Variants in EFHB observed in about 807,000 individuals in gnomAD.
EFHB encodes EF-hand domain family member B.
A neutral mutation model predicts 87.2 loss-of-function variants in EFHB; 91 were observed. The observed-to-expected ratio is 1.04, with a 90% CI of 0.88 to 1.24. The LOEUF is 1.24. Ranked by LOEUF, EFHB falls within the 50% of genes most tolerant of loss-of-function variation. EFHB has a pLI of 0.00. For synonymous variants in EFHB, 325 were observed against 333.6 expected (o/e 0.97, Z 0.28); for missense variants, 1,084 against 998.8 (o/e 1.09, Z -1.15).
intron 6 of EFHB, among the ~76,000 whole-genome samples, chr3:19,903,120 T>G (rs541506853): frequency 1.6e-4 from 24 of 150,874 alleles, no homozygotes. Flanking sequence ...AAGGTTGCAG[T>G]GAGCCGAGAT....
intron 10 of EFHB, 61 bp from the exon 11 acceptor site, chr3:19,884,676 C>G: frequency 6.7e-7 from 1 of 1,502,980 alleles, no homozygotes; most frequent in South Asian, 1.2e-5. Context: ...GTGCTTGCTG[C>G]TCTGTAACAG....
chr3:19,916,341 C>G (rs1695229927), intron 4 of EFHB, among the ~76,000 whole-genome samples: 1 of 151,898 alleles, frequency 6.6e-6, no homozygotes, highest in East Asian at 1.9e-4. Flanking sequence ...ATGGTGAAAC[C>G]CTGTCTCTAC....
intron 10 of EFHB, among the ~76,000 whole-genome samples, chr3:19,885,921 T>C (rs899317066): frequency 6.6e-5 from 10 of 152,188 alleles, no homozygotes; most frequent in Admixed American, 6.5e-5. Context: ...AACAGTAAGA[T>C]AGAATTTGGT....
intron 1 of EFHB, among the ~76,000 whole-genome samples, chr3:19,927,291 T>A (rs997419324): frequency 6.6e-6 from 1 of 152,228 alleles, no homozygotes; most frequent in African/African-American, 2.4e-5. Flanking sequence ...TGACAGTGTT[T>A]TTCAAAAGTC....
intron 5 of EFHB, among the ~76,000 whole-genome samples, chr3:19,908,651 A>C (rs1449399587): frequency 1.3e-5 from 2 of 151,576 alleles, no homozygotes; most frequent in Admixed American, 1.3e-4. Context: ...AAAGAAAGAA[A>C]GAAAAAGAAA....
intron 6 of EFHB, among the ~76,000 whole-genome samples, chr3:19,901,747 C>T (rs1020408266): frequency 1.3e-5 from 2 of 152,054 alleles, no homozygotes; most frequent in East Asian, 3.9e-4. Context: ...GTCAGGAGTT[C>T]GAGATCAGCC....
chr3:19,928,518 C>T (rs960787813), intron 1 of EFHB, among the ~76,000 whole-genome samples: 1 of 152,204 alleles, frequency 6.6e-6, no homozygotes, highest in Non-Finnish European at 1.5e-5. Context: ...GATCTTGGCT[C>T]ACTGCAACCT....
Position 19,918,391 on chromosome 3 carries a change from GT to G in EFHB, c.1017del (p.Gln340SerfsTer26). Reference sequence around the variant, plus strand: ...TTCTGTTGAAATGTGGTAATAGGCTGTGGGTTTATCAATGTGTTTGCCTAAA... The same window carrying G: ...TTCTGTTGAAATGTGGTAATAGGCTGGGGTTTATCAATGTGTTTGCCTAAA... ...ISVLANTLIN[P>X]QPITTFQQKI... is the part of the protein sequence containing the mutation. On this transcript the variant is annotated frameshift_variant, in exon 4 of 13. Coordinates refer to ENST00000295824, the MANE Select transcript of EFHB (RefSeq NM_144715.4). LOFTEE classifies it high-confidence loss of function. 6.2e-7 allele frequency: 1 copy of G among 1,602,188 alleles called. No individual in the cohort carries two copies. Among genetic ancestry groups the G allele is most frequent in the Non-Finnish European group, 8.5e-7 (1 of 1,176,508 alleles).
intron 7 of EFHB, 117 bp from the exon 8 acceptor site, chr3:19,898,962 A>T (rs1216479095): frequency 1.2e-5 from 11 of 947,958 alleles, no homozygotes; most frequent in Non-Finnish European, 1.7e-5. Flanking sequence ...CCAAACTATG[A>T]AGATCAAACA....
chr3:19,880,552 A>T (rs1022902342), intron 12 of EFHB, among the ~76,000 whole-genome samples: 1 of 152,134 alleles, frequency 6.6e-6, no homozygotes, highest in Non-Finnish European at 1.5e-5. Flanking sequence ...AGGCATGGCC[A>T]AGTTTTGTAT....
chr3:19,924,504 G>C (rs1362042581), intron 1 of EFHB, among the ~76,000 whole-genome samples: 2 of 152,022 alleles, frequency 1.3e-5, no homozygotes, highest in African/African-American at 4.8e-5. Context: ...GAGCCACTGC[G>C]CCAGGCCTTT....
intron 1 of EFHB, among the ~76,000 whole-genome samples, chr3:19,925,110 C>T (rs1366167761): frequency 6.6e-6 from 1 of 151,850 alleles, no homozygotes; most frequent in Non-Finnish European, 1.5e-5. Flanking sequence ...GGCATGCTGG[C>T]CGGCACCTGT....
At chr3:19,941,937 C>T (rs949432534) in intron 1 of EFHB, among the ~76,000 whole-genome samples, 2 of 151,278 alleles carry the variant, frequency 1.3e-5, no homozygotes, top group African/African-American at 4.9e-5. Context: ...GGCAGATCAC[C>T]TGAAGTCAGG....
In EFHB at chr3:19,893,791, C is replaced by T. The variant is rs76749836; in HGVS notation, c.1725+2896G>A. ...GTCATTCCACAAGGTGAGCAAATAC[C>T]ATCAGCTGGTGGCATGGACAGACAG... is the stretch of plus-strand genomic sequence containing the variant. On this transcript the variant is annotated intron_variant, in intron 9 of 12. Transcript: ENST00000295824. Among the ~76,000 whole-genome samples the T allele has an allele frequency of 1.0e-3, 158 of 152,258 alleles. 1 individual carries two copies. The highest frequency in any genetic ancestry group is 1.7e-3 in the Non-Finnish European group (114 of 68,028).
chr3:19,919,168 T>C (rs369295212), intron 3 of EFHB, among the ~76,000 whole-genome samples: 1 of 152,026 alleles, frequency 6.6e-6, no homozygotes, highest in East Asian at 1.9e-4. Context: ...ATAGTGCCTC[T>C]AGGCAAGTCA....
intron 9 of EFHB, among the ~76,000 whole-genome samples, chr3:19,896,018 T>C (rs1694470004): frequency 6.6e-6 from 1 of 152,172 alleles, no homozygotes; most frequent in Non-Finnish European, 1.5e-5. Context: ...TTGAATGATC[T>C]TACACTCTCA....
At chr3:19,927,652 T>C (rs1469292071) in intron 1 of EFHB, among the ~76,000 whole-genome samples, 1 of 152,196 alleles carries the variant, frequency 6.6e-6, no homozygotes, top group Non-Finnish European at 1.5e-5. Flanking sequence ...GAATGCACCC[T>C]GATGCAAAGT....
At chr3:19,913,015 A>T (rs1695113441) in intron 5 of EFHB, among the ~76,000 whole-genome samples, 1 of 152,206 alleles carries the variant, frequency 6.6e-6, no homozygotes, top group Non-Finnish European at 1.5e-5. Context: ...TGCCTGTAAT[A>T]ATAATAGTAG....
chr3:19,928,454 TTTTG>T (rs1363820568), intron 1 of EFHB, among the ~76,000 whole-genome samples: 2 of 152,136 alleles, frequency 1.3e-5, no homozygotes, highest in Admixed American at 6.5e-5. Flanking sequence ...CTTGTTGTTG[TTTTG>T]TTTGTTTGTT....
Sources: allele counts gnomAD v4.1 joint callset (sites outside exome capture counted in the v4.1 genomes callset), GRCh38; gene constraint gnomAD v4.1.1; transcripts MANE v1.5; gene names NCBI Gene and HGNC (gene_info 2026-07-23, HGNC 2026-07-21).